MCU: variants seen among roughly 807,000 people sequenced by gnomAD.
The protein encoded by MCU is calcium uniporter protein, mitochondrial.
A neutral mutation model predicts 45.2 loss-of-function variants in MCU; 12 were observed. That is an observed-to-expected ratio of 0.27 (90% CI 0.17 to 0.43). MCU has a LOEUF of 0.43. Ranked by LOEUF, MCU falls within the 20% of genes least tolerant of loss-of-function variation. MCU has a pLI of 1.00. For synonymous variants in MCU, 160 were observed against 165.1 expected (o/e 0.97, Z 0.24); for missense variants, 324 against 436.7 (o/e 0.74, Z 2.30).
chr10:72,817,510 T>C (rs1047511637), intron 1 of MCU, among the ~76,000 whole-genome samples: 1 of 152,230 alleles, frequency 6.6e-6, no homozygotes, highest in African/African-American at 2.4e-5. Flanking sequence ...CATTAGAATT[T>C]TATTGTCTTT....
chr10:72,698,569 A>G (rs964081228), intron 1 of MCU, among the ~76,000 whole-genome samples: 18 of 152,194 alleles, frequency 1.2e-4, no homozygotes, highest in African/African-American at 4.1e-4. Flanking sequence ...CAGTGGCGCA[A>G]TCTTGGCTCA....
intron 1 of MCU, among the ~76,000 whole-genome samples, chr10:72,818,418 AACTC>A (rs1486180237): frequency 1.2e-4 from 18 of 152,200 alleles, no homozygotes; most frequent in Non-Finnish European, 2.4e-4. Context: ...TGGAAACTTG[AACTC>A]TTTTACCATA....
intron 1 of MCU, among the ~76,000 whole-genome samples, chr10:72,707,219 G>C (rs1207264330): frequency 1.4e-5 from 2 of 140,472 alleles, no homozygotes; most frequent in African/African-American, 5.4e-5. Flanking sequence ...TTTTTTTTGA[G>C]AGAGAGTCTT....
intron 2 of MCU, among the ~76,000 whole-genome samples, chr10:72,844,757 ATTGT>A (rs1469158414): frequency 1.3e-5 from 2 of 152,186 alleles, no homozygotes; most frequent in Admixed American, 1.3e-4. Flanking sequence ...AATATAAGTG[ATTGT>A]TAAATTACTT....
chr10:72,776,782 T>A (rs1302352046), intron 1 of MCU, among the ~76,000 whole-genome samples: 1 of 152,126 alleles, frequency 6.6e-6, no homozygotes, highest in Non-Finnish European at 1.5e-5. Flanking sequence ...CAAATTAGCC[T>A]TGTTCACAGA....
At chr10:72,714,871 A>T (rs1842939733) in intron 1 of MCU, among the ~76,000 whole-genome samples, 1 of 152,148 alleles carries the variant, frequency 6.6e-6, no homozygotes, top group South Asian at 2.1e-4. Context: ...TTGTTTCTGG[A>T]AAAAGTATTT....
chr10:72,758,482 A>G (rs898221659), intron 1 of MCU, among the ~76,000 whole-genome samples: 75 of 152,338 alleles, frequency 4.9e-4, no homozygotes, highest in African/African-American at 1.7e-3. Context: ...ATCTCAGAGA[A>G]TTGATGGTGT....
At chr10:72,835,568 G>A (rs959566372) in intron 2 of MCU, among the ~76,000 whole-genome samples, 2 of 152,162 alleles carry the variant, frequency 1.3e-5, no homozygotes, top group Non-Finnish European at 2.9e-5. Flanking sequence ...AATATTTGCA[G>A]TGTTATCAGA....
At chr10:72,697,922 G>T (rs940429595) in intron 1 of MCU, among the ~76,000 whole-genome samples, 3 of 151,114 alleles carry the variant, frequency 2.0e-5, no homozygotes, top group African/African-American at 7.3e-5. Flanking sequence ...CATGTGATGT[G>T]TCACCATGCC....
intron 1 of MCU, among the ~76,000 whole-genome samples, chr10:72,767,574 C>T (rs1438737163): frequency 6.6e-6 from 1 of 151,950 alleles, no homozygotes; most frequent in African/African-American, 2.4e-5. Context: ...TCTTGAACCC[C>T]TGGGCTCAAG....
intron 1 of MCU, among the ~76,000 whole-genome samples, chr10:72,742,448 CT>C (rs1293516708): frequency 5.3e-5 from 8 of 152,188 alleles, no homozygotes; most frequent in Admixed American, 5.2e-4. Flanking sequence ...CCATTTCCCC[CT>C]AGAGGTTCTC....
chr10:72,731,339 G>A (rs1249950762), intron 1 of MCU, among the ~76,000 whole-genome samples: 1 of 152,194 alleles, frequency 6.6e-6, no homozygotes. Flanking sequence ...TCATTTTATT[G>A]TAGATATTCT....
intron 1 of MCU, among the ~76,000 whole-genome samples, chr10:72,733,347 C>G (rs1843205207): frequency 6.6e-6 from 1 of 152,160 alleles, no homozygotes; most frequent in Non-Finnish European, 1.5e-5. Flanking sequence ...ATCCCAGTTA[C>G]TTGGGAGACT....
At chr10:72,754,321 C>G (rs1300676552) in intron 1 of MCU, among the ~76,000 whole-genome samples, 1 of 152,180 alleles carries the variant, frequency 6.6e-6, no homozygotes, top group African/African-American at 2.4e-5. Flanking sequence ...CAATCCAGGT[C>G]TATTTGAGTC....
At chr10:72,841,997 A>G (rs1214847125) in intron 2 of MCU, among the ~76,000 whole-genome samples, 1 of 152,216 alleles carries the variant, frequency 6.6e-6, no homozygotes, top group African/African-American at 2.4e-5. Flanking sequence ...AAGACCTTAT[A>G]GTTGTTGTTA....
At chr10:72,884,654 T>C (rs1845752679) in intron 7 of MCU, among the ~76,000 whole-genome samples, 2 of 152,106 alleles carry the variant, frequency 1.3e-5, no homozygotes, top group Non-Finnish European at 2.9e-5. Context: ...TTACTTTTTT[T>C]TTTTTTTCAT....
At chr10:72,812,365 C>T (rs1490238319) in intron 1 of MCU, among the ~76,000 whole-genome samples, 2 of 152,124 alleles carry the variant, frequency 1.3e-5, no homozygotes, top group East Asian at 1.9e-4. Context: ...AGGCTGGTCT[C>T]GAACTCCTGA....
chr10:72,724,078 A>G (rs1413309301), intron 1 of MCU, among the ~76,000 whole-genome samples: 1 of 152,212 alleles, frequency 6.6e-6, no homozygotes, highest in Non-Finnish European at 1.5e-5. Flanking sequence ...AGTTATGTAG[A>G]TATACTATAT....
intron 1 of MCU, among the ~76,000 whole-genome samples, chr10:72,735,221 A>G (rs2132689614): frequency 6.6e-6 from 1 of 152,042 alleles, no homozygotes; most frequent in Non-Finnish European, 1.5e-5. Flanking sequence ...TATGACCTGG[A>G]ACTGGCAATG....
Sources: gnomAD v4.1 joint callset for allele counts (sites outside exome capture counted in the v4.1 genomes callset) on GRCh38, gnomAD v4.1.1 for gene constraint, MANE v1.5 for transcripts, NCBI Gene and HGNC (gene_info 2026-07-23, HGNC 2026-07-21) for gene names.